The following GRID1 variants were observed in gnomAD, a reference collection of about 807,000 sequenced individuals.
GRID1 encodes glutamate ionotropic receptor delta type subunit 1.
GRID1 carries 28 observed loss-of-function variants against 98.0 expected under a neutral mutation model. That is an observed-to-expected ratio of 0.29 (90% CI 0.21 to 0.39). The LOEUF is 0.39. Ranked by LOEUF, GRID1 falls within the 10% of genes least tolerant of loss-of-function variation. The pLI is 1.00. For missense variants in GRID1, 1,111 were observed against 1,340.5 expected, an observed-to-expected ratio of 0.83 and a Z score of 2.67; for synonymous variants, 553 against 538.5, an observed-to-expected ratio of 1.03 and a Z score of -0.37.
intron 3 of GRID1, among the ~76,000 whole-genome samples, chr10:86,162,584 C>T (rs1361926860): frequency 6.6e-6 from 1 of 152,184 alleles, no homozygotes; most frequent in East Asian, 1.9e-4. Context: ...AAATCCAACC[C>T]TAAAAACAGG....
chr10:86,007,168 C>A (rs1187991159), intron 4 of GRID1, among the ~76,000 whole-genome samples: 1 of 152,128 alleles, frequency 6.6e-6, no homozygotes, highest in Non-Finnish European at 1.5e-5. Flanking sequence ...GAAAATTAAA[C>A]GCTGTTTTGT....
chr10:86,334,169 C>T (rs1848191759), intron 2 of GRID1, among the ~76,000 whole-genome samples: 1 of 152,070 alleles, frequency 6.6e-6, no homozygotes, highest in South Asian at 2.1e-4. Flanking sequence ...GTTCCATTTC[C>T]GGGGACTATG....
intron 3 of GRID1, among the ~76,000 whole-genome samples, chr10:86,202,732 C>T (rs1845971704): frequency 6.6e-6 from 1 of 152,212 alleles, no homozygotes; most frequent in South Asian, 2.1e-4. Flanking sequence ...TAACTCCTGG[C>T]TCAAATGCCC....
chr10:85,803,103 G>A (rs1293552933), intron 8 of GRID1, among the ~76,000 whole-genome samples: 1 of 152,074 alleles, frequency 6.6e-6, no homozygotes, highest in Non-Finnish European at 1.5e-5. Flanking sequence ...GTAAGTGGAA[G>A]GTGGGGATGG....
chr10:85,784,225 A>G (rs1449986563), intron 8 of GRID1, among the ~76,000 whole-genome samples: 1 of 152,252 alleles, frequency 6.6e-6, no homozygotes, highest in Non-Finnish European at 1.5e-5. Flanking sequence ...AAAGCATGCC[A>G]GATGTAAATT....
At chr10:85,642,129 C>T (rs1324200255) in intron 13 of GRID1, among the ~76,000 whole-genome samples, 1 of 152,182 alleles carries the variant, frequency 6.6e-6, no homozygotes, top group Non-Finnish European at 1.5e-5. Context: ...ATATTTTAGG[C>T]TTTGTGGGCC....
chr10:85,988,997 A>T (rs1842645320), intron 4 of GRID1, among the ~76,000 whole-genome samples: 1 of 152,192 alleles, frequency 6.6e-6, no homozygotes, highest in Admixed American at 6.5e-5. Context: ...AATGTGGACA[A>T]GAGCTTTTTG....
chr10:85,899,610 T>C lies in GRID1; in HGVS notation c.780+16576A>G, dbSNP rs191247915. On this transcript the variant is annotated intron_variant, in intron 5 of 15. Transcript: ENST00000327946. Reference sequence around the variant, plus strand: ...TTAATTTGTTTTAAGATAATATCTATAAAGCATCCAAAGCAGGGCCTGGCA... The same window carrying C: ...TTAATTTGTTTTAAGATAATATCTACAAAGCATCCAAAGCAGGGCCTGGCA... Among the ~76,000 whole-genome samples the C allele has an allele frequency of 1.9e-3, 294 of 152,272 alleles. 1 individual carries two copies. The highest frequency in any genetic ancestry group is 5.6e-3 in the African/African-American group (231 of 41,562).
At chr10:85,979,083 T>G (rs932471551) in intron 4 of GRID1, among the ~76,000 whole-genome samples, 3 of 152,080 alleles carry the variant, frequency 2.0e-5, no homozygotes, top group African/African-American at 7.2e-5. Flanking sequence ...CCTGTGAGCA[T>G]AATAAAGGCC....
At chr10:86,184,402 T>C (rs1845698730) in intron 3 of GRID1, among the ~76,000 whole-genome samples, 1 of 151,800 alleles carries the variant, frequency 6.6e-6, no homozygotes, top group East Asian at 1.9e-4. Context: ...CTTGTGTCTG[T>C]AAAGTATTTT....
At chr10:85,686,750 A>T (rs985204547) in intron 12 of GRID1, among the ~76,000 whole-genome samples, 16 of 152,128 alleles carry the variant, frequency 1.1e-4, no homozygotes, top group East Asian at 1.9e-4. Context: ...TTACAGATGC[A>T]TATTATATAT....
At chr10:86,117,169 C>T (rs1309297172) in intron 4 of GRID1, among the ~76,000 whole-genome samples, 2 of 151,806 alleles carry the variant, frequency 1.3e-5, no homozygotes, top group Non-Finnish European at 2.9e-5. Context: ...ATCACCAACA[C>T]CATTACCAGC....
chr10:85,675,564 G>C (rs927906742), intron 12 of GRID1, among the ~76,000 whole-genome samples: 1 of 152,220 alleles, frequency 6.6e-6, no homozygotes, highest in Admixed American at 6.5e-5. Context: ...CTGAGAAAAT[G>C]ACAAAGCAAG....
At chr10:85,994,568 A>C (rs1164843301) in intron 4 of GRID1, among the ~76,000 whole-genome samples, 1 of 152,212 alleles carries the variant, frequency 6.6e-6, no homozygotes. Context: ...CCCTGAAATG[A>C]AGAAATAGAG....
chr10:86,304,585 G>A (rs1237699954), intron 2 of GRID1, among the ~76,000 whole-genome samples: 1 of 152,216 alleles, frequency 6.6e-6, no homozygotes, highest in Non-Finnish European at 1.5e-5. Flanking sequence ...GCCCCCAAAG[G>A]CAGAAAGAGA....
chr10:85,639,648 C>G (rs189015948), intron 13 of GRID1, among the ~76,000 whole-genome samples: 8 of 152,220 alleles, frequency 5.3e-5, no homozygotes, highest in Admixed American at 5.2e-4. Context: ...CCGAGGCAGG[C>G]AGATCACCTG....
chr10:86,090,586 A>T (rs1844131626), intron 4 of GRID1, among the ~76,000 whole-genome samples: 1 of 152,144 alleles, frequency 6.6e-6, no homozygotes, highest in Non-Finnish European at 1.5e-5. Flanking sequence ...AAGGAGAAAG[A>T]AGATGGGGCT....
intron 13 of GRID1, among the ~76,000 whole-genome samples, chr10:85,628,732 T>C (rs1216156016): frequency 3.3e-5 from 5 of 152,030 alleles, no homozygotes; most frequent in African/African-American, 7.2e-5. Context: ...ACAGGCTCAG[T>C]CGGGGGACAA....
intron 5 of GRID1, among the ~76,000 whole-genome samples, chr10:85,888,783 CCTCT>C (rs376710845): frequency 6.6e-6 from 1 of 152,140 alleles, no homozygotes; most frequent in African/African-American, 2.4e-5. Flanking sequence ...ACTCTTCCTC[CCTCT>C]CTCTTTTTCT....
Sources: allele counts gnomAD v4.1 joint callset (sites outside exome capture counted in the v4.1 genomes callset), GRCh38; gene constraint gnomAD v4.1.1; transcripts MANE v1.5; gene names NCBI Gene and HGNC (gene_info 2026-07-23, HGNC 2026-07-21).